Variants in LRP1B observed in about 807,000 individuals in gnomAD.
LRP1B encodes low-density lipoprotein receptor-related protein 1B.
In LRP1B, 217 loss-of-function variants were observed where a neutral mutation model predicts 556.6. The observed-to-expected ratio is 0.39, with a 90% CI of 0.35 to 0.44. The LOEUF (loss-of-function observed/expected upper bound fraction) is 0.44, where lower values mean the gene tolerates loss of function less well. LRP1B is among the 20% of genes least tolerant of loss of function. The pLI, the probability that LRP1B is intolerant of heterozygous loss-of-function variation, is 1.00. For missense variants in LRP1B, 5,053 were observed against 5,620.8 expected, an observed-to-expected ratio of 0.90 and a Z score of 3.23; for synonymous variants, 2,047 against 1,865.8, an observed-to-expected ratio of 1.10 and a Z score of -2.50.
intron 3 of LRP1B, among the ~76,000 whole-genome samples, chr2:141,301,499 T>C (rs1399036852): frequency 6.6e-6 from 1 of 152,188 alleles, no homozygotes; most frequent in Non-Finnish European, 1.5e-5. Context: ...CTAGCTGAAA[T>C]CTAATTCTAT....
chr2:141,142,138 C>T (rs1398719753), intron 7 of LRP1B, among the ~76,000 whole-genome samples: 1 of 152,018 alleles, frequency 6.6e-6, no homozygotes, highest in Non-Finnish European at 1.5e-5. Context: ...TTCCAAACTC[C>T]TTTAACTGCC....
chr2:141,295,893 T>G (rs1686167953), intron 3 of LRP1B, among the ~76,000 whole-genome samples: 1 of 152,230 alleles, frequency 6.6e-6, no homozygotes, highest in African/African-American at 2.4e-5. Flanking sequence ...AGCATCTTAA[T>G]GAATTGTGTT....
At chr2:141,770,530 G>C (rs10164495) in intron 2 of LRP1B, among the ~76,000 whole-genome samples, 34,761 of 152,196 alleles carry the variant, frequency 0.23, 4,150 homozygotes, top group African/African-American at 0.29. Flanking sequence ...ATAACTGACT[G>C]CCACAGCTAT....
rs371261484 is a variant in LRP1B at position 141,229,565 on chromosome 2, A to G, written c.593-125T>C. 2.3e-5 allele frequency: 17 copies of G among 748,500 alleles called. No individual in the cohort carries two copies. The African/African-American group carries it at 2.7e-4, about 12-fold the overall frequency. The allele number at this position is 748,500 out of a possible 1,614,324, so 46.4% of individuals were successfully genotyped here. On this transcript the variant is annotated intron_variant, in intron 5 of 90. Transcript: ENST00000389484. The stretch of plus-strand genomic sequence containing the variant: ...AATTCATAACAAAAATTTTCTTATA[A>G]AAAAACTTTCTATAAGTCATATGTA...
At chr2:141,615,917 T>C (rs1688280551) in intron 2 of LRP1B, among the ~76,000 whole-genome samples, 1 of 152,078 alleles carries the variant, frequency 6.6e-6, no homozygotes, top group Non-Finnish European at 1.5e-5. Flanking sequence ...GCAGAATATA[T>C]TAAGGTCGTA....
intron 1 of LRP1B, among the ~76,000 whole-genome samples, chr2:141,997,671 C>A (rs1172832849): frequency 8.5e-6 from 1 of 118,038 alleles, no homozygotes; most frequent in Non-Finnish European, 1.8e-5. Flanking sequence ...ATATATATAG[C>A]CTTTATGCTT....
intron 43 of LRP1B, among the ~76,000 whole-genome samples, chr2:140,587,378 A>G (rs142453594): frequency 6.6e-6 from 1 of 152,346 alleles, no homozygotes; most frequent in Non-Finnish European, 1.5e-5. Flanking sequence ...CTCAGAGACT[A>G]TAAACCCAAG....
At position 141,463,394 on chromosome 2, in the gene LRP1B, A is replaced by G. The variant is rs572436610; in HGVS notation, c.343+17002T>C. 2.6e-5 allele frequency among the ~76,000 whole-genome samples: 4 copies of G among 151,638 alleles called. No individual in the cohort carries two copies. In the East Asian group the frequency reaches 5.8e-4, roughly 22 times the overall value. On this transcript the variant is annotated intron_variant, in intron 3 of 90. Coordinates refer to ENST00000389484, the MANE Select transcript of LRP1B (RefSeq NM_018557.3). ...AATCATAAATGACAAATGAAAATAG[A>G]AAAAGCTATTGAAGAAAAAGGGAGA...
intron 84 of LRP1B, among the ~76,000 whole-genome samples, chr2:140,283,700 G>T (rs1683011493): frequency 2.0e-5 from 3 of 151,642 alleles, no homozygotes; most frequent in Non-Finnish European, 4.4e-5. Context: ...ATTGTAAAAT[G>T]CATATTAACA....
chr2:141,831,896 C>T (rs1697122944), intron 1 of LRP1B, among the ~76,000 whole-genome samples: 1 of 151,666 alleles, frequency 6.6e-6, no homozygotes. Context: ...CCAGTGGTTT[C>T]ATTGCTCAAG....
chr2:140,566,145 C>A (rs72975885), intron 43 of LRP1B, among the ~76,000 whole-genome samples: 5,059 of 152,224 alleles, frequency 0.033, 269 homozygotes, highest in African/African-American at 0.12. Context: ...AAGCTGCTGC[C>A]AAACCAGCCC....
intron 1 of LRP1B, among the ~76,000 whole-genome samples, chr2:141,943,258 G>A (rs1700865867): frequency 6.6e-6 from 1 of 152,048 alleles, no homozygotes; most frequent in African/African-American, 2.4e-5. Context: ...TTTTTATTAT[G>A]TGGATTCCAA....
At chr2:140,304,355 C>G (rs1418697149) in intron 83 of LRP1B, among the ~76,000 whole-genome samples, 2 of 152,152 alleles carry the variant, frequency 1.3e-5, no homozygotes, top group African/African-American at 4.8e-5. Context: ...ACCATTCTAA[C>G]TAGTGTGAGA....
At chr2:140,810,289 T>C (rs991103979) in intron 32 of LRP1B, among the ~76,000 whole-genome samples, 2 of 152,206 alleles carry the variant, frequency 1.3e-5, no homozygotes, top group Admixed American at 6.5e-5. Flanking sequence ...TCAGCACCTA[T>C]GTAGCCTCTT....
chr2:141,562,882 T>C (rs1049190778), intron 2 of LRP1B, among the ~76,000 whole-genome samples: 5 of 151,952 alleles, frequency 3.3e-5, no homozygotes, highest in Non-Finnish European at 7.4e-5. Flanking sequence ...GAAACAAAGA[T>C]TTTATCTCAA....
At chr2:141,115,595 T>C (rs1700872586) in intron 7 of LRP1B, among the ~76,000 whole-genome samples, 1 of 150,994 alleles carries the variant, frequency 6.6e-6, no homozygotes, top group Admixed American at 6.6e-5. Flanking sequence ...TAGCTGGGAC[T>C]ACAGGCTCCC....
chr2:140,239,320 C>A, intron 88 of LRP1B, 122 bp downstream of exon 88: 1 of 563,382 alleles, frequency 1.8e-6, no homozygotes. Flanking sequence ...ATTTGAAAAA[C>A]ATTGTATTTT....
At chr2:141,945,545 A>C (rs1462574117) in intron 1 of LRP1B, among the ~76,000 whole-genome samples, 1 of 151,632 alleles carries the variant, frequency 6.6e-6, no homozygotes, top group Non-Finnish European at 1.5e-5. Flanking sequence ...ATATGTATAT[A>C]TATATATATA....
chr2:141,356,630 T>C (rs1688636446), intron 3 of LRP1B, among the ~76,000 whole-genome samples: 1 of 151,408 alleles, frequency 6.6e-6, no homozygotes, highest in East Asian at 1.9e-4. Flanking sequence ...TACCTAGAAT[T>C]CTTGTAGATA....
Sources: allele counts gnomAD v4.1 joint callset (sites outside exome capture counted in the v4.1 genomes callset), GRCh38; gene constraint gnomAD v4.1.1; transcripts MANE v1.5; gene names NCBI Gene and HGNC (gene_info 2026-07-23, HGNC 2026-07-21).